Variants in ADAMTSL2 observed in about 807,000 individuals in gnomAD.
ADAMTSL2 encodes ADAMTS-like protein 2.
Under a neutral mutation model 117.0 loss-of-function variants are expected in ADAMTSL2, and 55 were observed. The observed-to-expected ratio is 0.47, with a 90% CI of 0.38 to 0.59. The LOEUF is 0.59. Ranked by LOEUF, ADAMTSL2 falls within the 20% of genes least tolerant of loss-of-function variation. ADAMTSL2 has a pLI of 0.00. For missense variants in ADAMTSL2, 1,182 were observed against 1,354.5 expected, an observed-to-expected ratio of 0.87 and a Z score of 2.00; for synonymous variants, 572 against 566.4, an observed-to-expected ratio of 1.01 and a Z score of -0.14.
intron 8 of ADAMTSL2, among the ~76,000 whole-genome samples, chr9:133,546,470 A>G (rs1830351082): frequency 6.6e-6 from 1 of 152,112 alleles, no homozygotes; most frequent in South Asian, 2.1e-4. Context: ...GCACGGGTTG[A>G]CTGGGTGAAG....
At chr9:133,547,937 G>A (rs1471535612) in intron 9 of ADAMTSL2, among the ~76,000 whole-genome samples, 1 of 152,268 alleles carries the variant, frequency 6.6e-6, no homozygotes, top group African/African-American at 2.4e-5. Context: ...GGAGGCTCTG[G>A]TGGCTTGGTG....
In ADAMTSL2 at chr9:133,558,214, G is replaced by C. The variant is rs939161386; in HGVS notation, c.1649+2284G>C. 5.3e-5 allele frequency among the ~76,000 whole-genome samples: 8 copies of C among 152,180 alleles called. No individual in the cohort carries two copies. Among genetic ancestry groups the C allele is most frequent in the Non-Finnish European group, 1.0e-4 (7 of 68,040 alleles). Reference sequence around the variant, plus strand: ...GAAAGGCCCTGACTGCTGAGATGCCGCTGCTCCCCCGGCCGGCCTGCCATC... The same window carrying C: ...GAAAGGCCCTGACTGCTGAGATGCCCCTGCTCCCCCGGCCGGCCTGCCATC... On this transcript the variant is annotated intron_variant, in intron 11 of 18. Coordinates refer to ENST00000651351, the MANE Select transcript of ADAMTSL2 (RefSeq NM_014694.4). This position sits in a 1 kb window ranked among gnomAD's most constrained non-coding sequence, Gnocchi z 4.3.
rs1312667453 is a variant in ADAMTSL2, at chr9:133,554,139, C to T, written c.940-218C>T. On this transcript the variant is annotated intron_variant, in intron 9 of 18. Coordinates refer to ENST00000651351, the MANE Select transcript of ADAMTSL2 (RefSeq NM_014694.4). This position sits in a 1 kb window ranked among gnomAD's most constrained non-coding sequence, Gnocchi z 5.2. Reference sequence around the variant, plus strand: ...CCAGGGTGGGCCACTCCCCCCACCACACATCCCCAGCCCCCGCCCTGTTCC... The same window carrying T: ...CCAGGGTGGGCCACTCCCCCCACCATACATCCCCAGCCCCCGCCCTGTTCC... 6.6e-6 allele frequency among the ~76,000 whole-genome samples: 1 copy of T among 152,242 alleles called. No homozygotes were observed.
At chr9:133,566,126 A>G (rs1326607649) in intron 12 of ADAMTSL2, among the ~76,000 whole-genome samples, 1 of 152,214 alleles carries the variant, frequency 6.6e-6, no homozygotes, top group Non-Finnish European at 1.5e-5. Flanking sequence ...GCACCAACAA[A>G]GACAGGCACA....
intron 9 of ADAMTSL2, among the ~76,000 whole-genome samples, chr9:133,549,725 C>T (rs547618043): frequency 1.6e-4 from 25 of 152,222 alleles, no homozygotes; most frequent in South Asian, 2.1e-4. Context: ...CCAGCCAGGA[C>T]GGCCACTCGT....
In ADAMTSL2 at chr9:133,558,510, G is replaced by T. The variant is rs900647535; in HGVS notation, c.1649+2580G>T. 2.0e-5 allele frequency among the ~76,000 whole-genome samples: 3 copies of T among 152,208 alleles called. No individual in the cohort carries two copies. The highest frequency in any genetic ancestry group is 7.2e-5 in the African/African-American group (3 of 41,454). Reference sequence around the variant, plus strand: ...GAACAAGCTTCTGAGACACAGAGACGCGGAGTCCCTCTCCGCAGCCTTGGG... The same window carrying T: ...GAACAAGCTTCTGAGACACAGAGACTCGGAGTCCCTCTCCGCAGCCTTGGG... On this transcript the variant is annotated intron_variant, in intron 11 of 18. Coordinates refer to ENST00000651351, the MANE Select transcript of ADAMTSL2 (RefSeq NM_014694.4). This position sits in a 1 kb window ranked among gnomAD's most constrained non-coding sequence, Gnocchi z 4.3.
At chr9:133,540,831 TGGCCACAGCGCCCTCCCA>T (rs1265000128) in intron 6 of ADAMTSL2, 29 bp from the exon 7 acceptor site, 4 of 1,613,162 alleles carry the variant, frequency 2.5e-6, no homozygotes, top group Non-Finnish European at 3.4e-6. Context: ...CCCCGGGGCC[TGGCCACAGCGCCCTCCCA>T]GCAGCCCTCT....
At chr9:133,550,738 C>T (rs191297825) in intron 9 of ADAMTSL2, among the ~76,000 whole-genome samples, 205 of 152,148 alleles carry the variant, frequency 1.3e-3, no homozygotes, top group Non-Finnish European at 2.0e-3. Flanking sequence ...AGTGAGAAGC[C>T]GTGTGCTGGG....
At chr9:133,536,329 G>A (rs1232508867) in intron 1 of ADAMTSL2, among the ~76,000 whole-genome samples, 2 of 152,232 alleles carry the variant, frequency 1.3e-5, no homozygotes, top group Non-Finnish European at 2.9e-5. Flanking sequence ...CCCCGCCTGG[G>A]TCCCCAGCCC....
In ADAMTSL2 at chr9:133,540,751, A is replaced by T. The variant is rs1483216182; in HGVS notation, c.558+8A>T. 6.2e-7 allele frequency: 1 copy of T among 1,613,762 alleles called. No individual in the cohort carries two copies. The highest frequency in any genetic ancestry group is 1.6e-4 in the Middle Eastern group (1 of 6,062). On this transcript the variant is annotated splice_region_variant and intron_variant, in intron 6 of 18. Coordinates refer to ENST00000651351, the MANE Select transcript of ADAMTSL2 (RefSeq NM_014694.4). ...GTGTCTGGAAAATGTGAGGTTGTTA[A>T]ACGTTGTAGCAAAAGTACCGCCGGT...
intron 17 of ADAMTSL2, among the ~76,000 whole-genome samples, chr9:133,572,656 A>G (rs1420846798): frequency 1.3e-5 from 2 of 152,174 alleles, no homozygotes; most frequent in Admixed American, 1.3e-4. Context: ...CGGGGACCCC[A>G]GAAGGACAGC....
At chr9:133,535,150 C>T (rs1830021211) in intron 1 of ADAMTSL2, among the ~76,000 whole-genome samples, 2 of 152,170 alleles carry the variant, frequency 1.3e-5, no homozygotes, top group African/African-American at 4.8e-5. Flanking sequence ...CTGCCGCCAG[C>T]CGCTGCTTTT....
At chr9:133,555,144 C>T (rs1830576360) in intron 10 of ADAMTSL2, among the ~76,000 whole-genome samples, 2 of 152,136 alleles carry the variant, frequency 1.3e-5, no homozygotes, top group African/African-American at 4.8e-5. Flanking sequence ...TGCCTTTGTC[C>T]TCATAGGCCT....
chr9:133,539,931 C>A, intron 5 of ADAMTSL2, 58 bp downstream of exon 5: 4 of 1,487,664 alleles, frequency 2.7e-6, no homozygotes, highest in Non-Finnish European at 3.7e-6. Flanking sequence ...TGGGGGTAGC[C>A]CTTCCGGCAC....
At chr9:133,567,167 G>A in intron 13 of ADAMTSL2, 105 bp downstream of exon 13, 1 of 1,415,028 alleles carries the variant, frequency 7.1e-7, no homozygotes, top group Admixed American at 2.0e-5. Context: ...GGTTCTTCGT[G>A]TGCAGGGCCG....
At chr9:133,540,550 G>A in intron 5 of ADAMTSL2, 48 bp from the exon 6 acceptor site, 1 of 1,606,162 alleles carries the variant, frequency 6.2e-7, no homozygotes. Flanking sequence ...TCTGAATCCG[G>A]CATTTCCTGC....
At chr9:133,562,795 CCGG>C (rs1830771988) in intron 12 of ADAMTSL2, among the ~76,000 whole-genome samples, 1 of 116,856 alleles carries the variant, frequency 8.6e-6, no homozygotes, top group Admixed American at 8.2e-5. Flanking sequence ...GTGGTGGGCA[CCGG>C]CTTGGCCAGG....
rs572723192 is a variant in ADAMTSL2, at chr9:133,537,331, G to A, written c.91-74G>A. Reference sequence around the variant, plus strand: ...TGGTCCCGCTGACGGTGATACCCTCGGGCATGGGGTGGGGGCAGGCTGGTC... The same window carrying A: ...TGGTCCCGCTGACGGTGATACCCTCAGGCATGGGGTGGGGGCAGGCTGGTC... On this transcript the variant is annotated intron_variant, in intron 2 of 18. Coordinates refer to ENST00000651351, the MANE Select transcript of ADAMTSL2 (RefSeq NM_014694.4). 5.3e-6 allele frequency: 7 copies of A among 1,310,628 alleles called. No individual in the cohort carries two copies. In the Admixed American group the frequency reaches 1.1e-4, roughly 21 times the overall value. 81.2% of individuals were successfully genotyped at this position (1,310,628 alleles called of 1,614,324 possible). A position where few individuals can be genotyped will look rare whatever the true frequency, so the allele number is the denominator to read the frequency against.
At chr9:133,537,615 T>G in intron 3 of ADAMTSL2, 68 bp downstream of exon 3, 1 of 1,299,138 alleles carries the variant, frequency 7.7e-7, no homozygotes, top group Non-Finnish European at 9.8e-7. Flanking sequence ...GAGAGGGCGG[T>G]TGGCTCTTCA....
Sources: allele counts gnomAD v4.1 joint callset (sites outside exome capture counted in the v4.1 genomes callset), GRCh38; gene constraint gnomAD v4.1.1; non-coding constraint Gnocchi (gnomAD v3.1); transcripts MANE v1.5; gene names NCBI Gene and HGNC (gene_info 2026-07-23, HGNC 2026-07-21).